The following CAMK2D variants were observed in gnomAD, a reference collection of about 807,000 sequenced individuals.
CAMK2D encodes calcium/calmodulin dependent protein kinase II delta, also known as calcium/calmodulin-dependent protein kinase type II subunit delta.
Under a neutral mutation model 84.0 loss-of-function variants are expected in CAMK2D, and 37 were observed. The observed-to-expected ratio is 0.44, with a 90% CI of 0.34 to 0.58. The LOEUF (loss-of-function observed/expected upper bound fraction) is 0.58. Ranked by LOEUF, CAMK2D falls within the 20% of genes least tolerant of loss-of-function variation. The probability of loss-of-function intolerance (pLI) is 0.02; values close to 1 mark genes in which losing one functional copy is unlikely to be tolerated. For synonymous variants in CAMK2D, 202 were observed against 212.5 expected, an observed-to-expected ratio of 0.95 and a Z score of 0.43; for missense variants, 448 against 652.5, an observed-to-expected ratio of 0.69 and a Z score of 3.41.
chr4:113,644,245 T>C (rs758631716), intron 3 of CAMK2D, among the ~76,000 whole-genome samples: 10 of 152,226 alleles, frequency 6.6e-5, no homozygotes, highest in Non-Finnish European at 1.3e-4. Flanking sequence ...TGTCAGATTC[T>C]TGGCTTAGAT....
intron 16 of CAMK2D, among the ~76,000 whole-genome samples, chr4:113,473,207 G>A (rs2097567443): frequency 6.6e-6 from 1 of 152,160 alleles, no homozygotes. Context: ...ACAACTGGGT[G>A]CCCCGTGGTT....
intron 4 of CAMK2D, among the ~76,000 whole-genome samples, chr4:113,565,246 G>T (rs1427474058): frequency 6.6e-6 from 1 of 152,170 alleles, no homozygotes; most frequent in Non-Finnish European, 1.5e-5. Flanking sequence ...GGGTGGCCAT[G>T]ATCCTATAAA....
In CAMK2D at chr4:113,659,481, G is replaced by A. The variant is rs2099218581; in HGVS notation, c.220+2232C>T. On this transcript the variant is annotated intron_variant, in intron 3 of 20. Transcript: ENST00000511664. ...TAAAGGGGTAATTAGGTGAGAATGA[G>A]GTTATCAGTGTGGGCCCTAATCCAA... 2.0e-5 allele frequency among the ~76,000 whole-genome samples: 3 copies of A among 152,172 alleles called. No individual in the cohort carries two copies. In the South Asian group the frequency reaches 6.2e-4, roughly 32 times the overall value.
At chr4:113,673,843 A>C (rs924696018) in intron 2 of CAMK2D, among the ~76,000 whole-genome samples, 18 of 152,248 alleles carry the variant, frequency 1.2e-4, no homozygotes, top group African/African-American at 4.3e-4. Context: ...TCCTGAAATG[A>C]GACTGTTCTT....
intron 6 of CAMK2D, among the ~76,000 whole-genome samples, chr4:113,546,466 A>C (rs571561551): frequency 6.6e-6 from 1 of 152,244 alleles, no homozygotes; most frequent in Non-Finnish European, 1.5e-5. Context: ...AATTAAATGA[A>C]ATCAAAAGAT....
chr4:113,506,533 T>C (rs763271189), intron 13 of CAMK2D, among the ~76,000 whole-genome samples: 11 of 152,172 alleles, frequency 7.2e-5, no homozygotes, highest in Non-Finnish European at 1.3e-4. Context: ...GTAAAAAGTC[T>C]ATTAAAGAGG....
At chr4:113,672,783 A>G (rs1215713628) in intron 2 of CAMK2D, among the ~76,000 whole-genome samples, 1 of 152,066 alleles carries the variant, frequency 6.6e-6, no homozygotes, top group East Asian at 1.9e-4. Context: ...ACACACACAA[A>G]CACACACATA....
intron 3 of CAMK2D, among the ~76,000 whole-genome samples, chr4:113,625,045 T>C (rs1376704995): frequency 6.6e-6 from 1 of 152,204 alleles, no homozygotes; most frequent in Non-Finnish European, 1.5e-5. Context: ...AGAGACCACC[T>C]GCCTAGTCAG....
At chr4:113,750,050 C>T (rs558916149) in intron 2 of CAMK2D, among the ~76,000 whole-genome samples, 2 of 152,252 alleles carry the variant, frequency 1.3e-5, no homozygotes, top group Non-Finnish European at 2.9e-5. Flanking sequence ...CTGTGCCAGG[C>T]GCAGACTGAA....
chr4:113,514,082 A>C (rs886431751), intron 10 of CAMK2D, among the ~76,000 whole-genome samples, 169 bp from the exon 11 acceptor site: 2 of 152,254 alleles, frequency 1.3e-5, no homozygotes, highest in Non-Finnish European at 2.9e-5. Flanking sequence ...AGTTTTGCCA[A>C]GACTACTTGT....
intron 8 of CAMK2D, among the ~76,000 whole-genome samples, chr4:113,523,232 G>T (rs1208555524): frequency 1.3e-5 from 2 of 152,240 alleles, no homozygotes; most frequent in African/African-American, 4.8e-5. Flanking sequence ...GACTTCACCT[G>T]TTTGCAACCT....
intron 2 of CAMK2D, among the ~76,000 whole-genome samples, chr4:113,746,323 G>A (rs977507304): frequency 2.6e-5 from 4 of 152,138 alleles, no homozygotes; most frequent in Non-Finnish European, 4.4e-5. Context: ...TTTAAAGTTT[G>A]TAGAAGGTCA....
chr4:113,699,294 T>C (rs1408051907), intron 2 of CAMK2D, among the ~76,000 whole-genome samples: 3 of 152,120 alleles, frequency 2.0e-5, no homozygotes, highest in Non-Finnish European at 4.4e-5. Flanking sequence ...TTGTTTAATA[T>C]CTATGATACC....
intron 13 of CAMK2D, among the ~76,000 whole-genome samples, chr4:113,509,108 C>G (rs1298255480): frequency 6.6e-6 from 1 of 152,108 alleles, no homozygotes. Flanking sequence ...AATATTTGTT[C>G]AGATCATTCA....
chr4:113,727,965 A>G (rs540882641), intron 2 of CAMK2D, among the ~76,000 whole-genome samples: 2 of 152,158 alleles, frequency 1.3e-5, no homozygotes, highest in Non-Finnish European at 2.9e-5. Context: ...ACACTGAGAT[A>G]CCAGTTCACA....
chr4:113,665,554 C>G (rs1043592412), intron 2 of CAMK2D, among the ~76,000 whole-genome samples: 2 of 152,168 alleles, frequency 1.3e-5, no homozygotes, highest in Non-Finnish European at 2.9e-5. Context: ...CAGTGGCAAG[C>G]AGTAAAGACA....
intron 4 of CAMK2D, among the ~76,000 whole-genome samples, chr4:113,591,495 C>T (rs1261931106): frequency 6.6e-6 from 1 of 152,216 alleles, no homozygotes; most frequent in Non-Finnish European, 1.5e-5. Context: ...AAACTAGCAT[C>T]TCTCACTAGG....
chr4:113,654,704 A>G (rs2154305002), intron 3 of CAMK2D, among the ~76,000 whole-genome samples: 1 of 152,158 alleles, frequency 6.6e-6, no homozygotes, highest in South Asian at 2.1e-4. Flanking sequence ...GTCTGGCAAT[A>G]TCATTAAAGA....
Position 113,465,517 on chromosome 4 carries a change from T to A in CAMK2D, c.1211+12A>T, listed in dbSNP as rs905392886. 11 of 1,552,788 alleles carry A rather than the reference T, an allele frequency of 7.1e-6. No individual in the cohort carries two copies. Among genetic ancestry groups the A allele is most frequent in the Non-Finnish European group, 9.7e-6 (11 of 1,129,392 alleles). On this transcript the variant is annotated intron_variant, in intron 17 of 20. Coordinates refer to ENST00000511664, the MANE Select transcript of CAMK2D (RefSeq NM_001321571.2). ...CATATGCATGAAAGCAAAGTAAACG[T>A]CCGCTACTCACGTGTAGGCTTCAAA... is the stretch of plus-strand genomic sequence containing the variant.
Sources: allele counts gnomAD v4.1 joint callset (sites outside exome capture counted in the v4.1 genomes callset), GRCh38; gene constraint gnomAD v4.1.1; transcripts MANE v1.5; gene names NCBI Gene and HGNC (gene_info 2026-07-23, HGNC 2026-07-21).